Variants in SEC11A observed in about 807,000 individuals in gnomAD.
SEC11A encodes signal peptidase complex catalytic subunit SEC11A.
Under a neutral mutation model 25.6 loss-of-function variants are expected in SEC11A, and 14 were observed. The observed-to-expected ratio is 0.55, with a 90% CI of 0.36 to 0.85. The LOEUF is 0.85. Among genes scored for constraint, SEC11A ranks in the 40% least tolerant of loss-of-function variants. The pLI, the probability that SEC11A is intolerant of heterozygous loss-of-function variation, is 0.01. For synonymous variants in SEC11A, 83 were observed against 76.4 expected (o/e 1.09, Z -0.45); for missense variants, 153 against 222.9 (o/e 0.69, Z 2.00).
intron 3 of SEC11A, among the ~76,000 whole-genome samples, chr15:84,686,192 T>G (rs1266728423): frequency 3.9e-5 from 6 of 152,228 alleles, no homozygotes; most frequent in African/African-American, 1.4e-4. Flanking sequence ...CATACTGATA[T>G]CTGATTTTAT....
chr15:84,680,608 C>A, intron 4 of SEC11A, 105 bp downstream of exon 4: 1 of 1,202,808 alleles, frequency 8.3e-7, no homozygotes, highest in Admixed American at 2.8e-5. Context: ...TTGGTGGAAC[C>A]AGAACCAAAT....
chr15:84,695,412 G>A lies in SEC11A; in HGVS notation c.52-3768C>T, dbSNP rs143435852. ...TGGGAGGCGGAGGTTGCAGTGGGCCGAGATCGCACCATTGCACTCCAGCCT... is the reference window on the plus strand; with the variant it reads ...TGGGAGGCGGAGGTTGCAGTGGGCCAAGATCGCACCATTGCACTCCAGCCT... On this transcript the variant is annotated intron_variant, in intron 1 of 5. Transcript: ENST00000268220. Among the ~76,000 whole-genome samples, 862 of 151,442 alleles carry A rather than the reference G, an allele frequency of 5.7e-3. 3 individuals are homozygous for A. The highest frequency in any genetic ancestry group is 0.019 in the African/African-American group (799 of 41,244).
intron 3 of SEC11A, among the ~76,000 whole-genome samples, chr15:84,685,707 A>G (rs1030187339): frequency 3.3e-5 from 5 of 151,966 alleles, no homozygotes; most frequent in African/African-American, 1.2e-4. Flanking sequence ...CACAACAGGC[A>G]TTGCTGAGAA....
At chr15:84,679,931 C>T in intron 4 of SEC11A, 1 of 1,528,520 alleles carries the variant, frequency 6.5e-7, no homozygotes, top group African/African-American at 1.4e-5. Context: ...CAACAACTTA[C>T]AATTCCTGTC....
Position 84,673,648 on chromosome 15 carries a change from C to T in SEC11A, c.432-2866G>A, listed in dbSNP as rs181884451. The T allele has an allele frequency of 4.0e-3, 606 of 153,024 alleles. 2 individuals are homozygous for T. Among genetic ancestry groups the T allele is most frequent in the African/African-American group, 0.014 (575 of 41,560 alleles). 9.5% of individuals were successfully genotyped at this position (153,024 alleles called of 1,614,324 possible). A position where few individuals can be genotyped will look rare whatever the true frequency, so the allele number is the denominator to read the frequency against. ...ATTCTTGGCTGGGCACGGTGGCTCA[C>T]GCCTGTAATCCCAGCACTTTGGGAG... On this transcript the variant is annotated intron_variant, in intron 4 of 5. Coordinates refer to ENST00000268220, the MANE Select transcript of SEC11A (RefSeq NM_014300.4).
At chr15:84,685,090 A>G (rs1897380480) in intron 3 of SEC11A, among the ~76,000 whole-genome samples, 1 of 152,226 alleles carries the variant, frequency 6.6e-6, no homozygotes, top group Admixed American at 6.5e-5. Context: ...AGTCTGAAAT[A>G]AATCACCAAA....
At chr15:84,680,035 ATAT>A (rs1897244530) in intron 4 of SEC11A, 1 of 1,026,602 alleles carries the variant, frequency 9.7e-7, no homozygotes, top group Non-Finnish European at 1.4e-6. Flanking sequence ...AAGACTAGAA[ATAT>A]TATGGATTAA....
chr15:84,678,307 G>C (rs1567034487), intron 4 of SEC11A, among the ~76,000 whole-genome samples: 1 of 152,112 alleles, frequency 6.6e-6, no homozygotes, highest in Non-Finnish European at 1.5e-5. Flanking sequence ...AAACAGGCTT[G>C]GCAAAATTTG....
intron 4 of SEC11A, chr15:84,679,296 G>T (rs1197328559): frequency 3.3e-6 from 4 of 1,224,816 alleles, no homozygotes; most frequent in Non-Finnish European, 4.3e-6. Context: ...ACCTAATTTG[G>T]ATTATAAAAG....
At chr15:84,689,605 CT>C (rs1897539771) in intron 2 of SEC11A, among the ~76,000 whole-genome samples, 1 of 109,132 alleles carries the variant, frequency 9.2e-6, no homozygotes, top group African/African-American at 3.8e-5. Context: ...TGTTTCTTTT[CT>C]TTCTTTTTTT....
chr15:84,701,660 T>C (rs919159497), intron 1 of SEC11A, among the ~76,000 whole-genome samples: 7 of 151,406 alleles, frequency 4.6e-5, no homozygotes, highest in African/African-American at 1.7e-4. Flanking sequence ...ACTTTAAATA[T>C]AAAGACACAA....
chr15:84,699,536 A>G (rs760812843), intron 1 of SEC11A, among the ~76,000 whole-genome samples: 8 of 152,146 alleles, frequency 5.3e-5, no homozygotes, highest in Non-Finnish European at 7.4e-5. Flanking sequence ...GAGACCTACA[A>G]CTGCCTCAAC....
intron 1 of SEC11A, among the ~76,000 whole-genome samples, chr15:84,711,977 A>G (rs1412828206): frequency 6.6e-6 from 1 of 152,148 alleles, no homozygotes; most frequent in East Asian, 1.9e-4. Flanking sequence ...GTGGTGGCTC[A>G]CATCTGTAAT....
At chr15:84,670,209 TAA>T in intron 5 of SEC11A, 140 bp from the exon 6 acceptor site, 1 of 729,316 alleles carries the variant, frequency 1.4e-6, no homozygotes, top group Non-Finnish European at 2.1e-6. Flanking sequence ...ATAATCCATT[TAA>T]AAGTTTCCAA....
intron 3 of SEC11A, among the ~76,000 whole-genome samples, chr15:84,681,343 G>C (rs1897277390): frequency 1.3e-5 from 2 of 152,062 alleles, no homozygotes; most frequent in South Asian, 4.1e-4. Context: ...GATTAAACAA[G>C]AGACGGCCAG....
intron 1 of SEC11A, among the ~76,000 whole-genome samples, chr15:84,694,839 C>T (rs1897714435): frequency 6.6e-6 from 1 of 151,930 alleles, no homozygotes; most frequent in Non-Finnish European, 1.5e-5. Flanking sequence ...CGCCTGTAAT[C>T]CCAGCACTTT....
intron 1 of SEC11A, among the ~76,000 whole-genome samples, chr15:84,711,781 CAAA>C (rs60088964): frequency 1.2e-3 from 115 of 93,062 alleles, no homozygotes; most frequent in African/African-American, 1.8e-3. Flanking sequence ...GACTCTATCT[CAAA>C]AAAAAAAAAA....
intron 1 of SEC11A, among the ~76,000 whole-genome samples, chr15:84,707,181 CTTTTT>C (rs35694643): frequency 1.1e-5 from 1 of 91,646 alleles, no homozygotes; most frequent in African/African-American, 4.1e-5. Context: ...TTGTGTGAGA[CTTTTT>C]TTTTTTTTTT....
At chr15:84,678,017 GAAAACCCATCTCTACTA>G (rs1897186449) in intron 4 of SEC11A, among the ~76,000 whole-genome samples, 1 of 152,058 alleles carries the variant, frequency 6.6e-6, no homozygotes, top group Non-Finnish European at 1.5e-5. Context: ...CCAACATGGC[GAAAACCCATCTCTACTA>G]AAAATATAAA....
Sources: gnomAD v4.1 joint callset for allele counts (sites outside exome capture counted in the v4.1 genomes callset) on GRCh38, gnomAD v4.1.1 for gene constraint, MANE v1.5 for transcripts, NCBI Gene and HGNC (gene_info 2026-07-23, HGNC 2026-07-21) for gene names.